NYAP2: variants seen among roughly 807,000 people sequenced by gnomAD.
The protein encoded by NYAP2 is neuronal tyrosine-phosphorylated phosphoinositide-3-kinase adaptor 2.
In NYAP2, 23 loss-of-function variants were observed where a neutral mutation model predicts 50.4. The observed-to-expected ratio is 0.46, with a 90% CI of 0.33 to 0.65. NYAP2 has a LOEUF of 0.65. Ranked by LOEUF, NYAP2 falls within the 30% of genes least tolerant of loss-of-function variation. The pLI, the probability that NYAP2 is intolerant of heterozygous loss-of-function variation, is 0.02. For missense variants in NYAP2, 885 were observed against 861.0 expected, an observed-to-expected ratio of 1.03 and a Z score of -0.35; for synonymous variants, 394 against 365.2, an observed-to-expected ratio of 1.08 and a Z score of -0.90.
chr2:225,486,980 G>A (rs1367120710), intron 3 of NYAP2, among the ~76,000 whole-genome samples: 1 of 152,202 alleles, frequency 6.6e-6, no homozygotes, highest in African/African-American at 2.4e-5. Context: ...CATATGAGTA[G>A]CACTTTTGAA....
chr2:225,603,541 A>G (rs1456748378), intron 5 of NYAP2, among the ~76,000 whole-genome samples: 1 of 152,112 alleles, frequency 6.6e-6, no homozygotes, highest in Non-Finnish European at 1.5e-5. Flanking sequence ...GGCTCACTGC[A>G]ATCTCCTCCT....
At chr2:225,409,879 A>G (rs1695005798) in intron 3 of NYAP2, among the ~76,000 whole-genome samples, 1 of 152,130 alleles carries the variant, frequency 6.6e-6, no homozygotes, top group Non-Finnish European at 1.5e-5. Context: ...CTTCAAATAA[A>G]GTTCACTTAC....
At chr2:225,464,535 T>G (rs1278976950) in intron 3 of NYAP2, among the ~76,000 whole-genome samples, 1 of 152,182 alleles carries the variant, frequency 6.6e-6, no homozygotes, top group African/African-American at 2.4e-5. Flanking sequence ...GGATGGTGAC[T>G]TCAGGTAACT....
intron 3 of NYAP2, among the ~76,000 whole-genome samples, chr2:225,507,072 C>T (rs1690720325): frequency 6.6e-6 from 1 of 152,156 alleles, no homozygotes; most frequent in Admixed American, 6.5e-5. Context: ...CTAGGCAACC[C>T]TTCAGTTTGT....
intron 4 of NYAP2, among the ~76,000 whole-genome samples, chr2:225,559,068 T>C (rs969648146): frequency 3.3e-5 from 5 of 152,070 alleles, no homozygotes; most frequent in African/African-American, 7.2e-5. Context: ...CTTTTTTCTC[T>C]CTCTTCCTCT....
intron 3 of NYAP2, among the ~76,000 whole-genome samples, chr2:225,499,055 C>G (rs924809901): frequency 2.0e-5 from 3 of 148,626 alleles, no homozygotes; most frequent in Non-Finnish European, 1.5e-5. Flanking sequence ...TCAAAGACAA[C>G]CACAGAAAAA....
At chr2:225,622,244 C>G (rs1693117494) in intron 5 of NYAP2, among the ~76,000 whole-genome samples, 1 of 152,126 alleles carries the variant, frequency 6.6e-6, no homozygotes, top group South Asian at 2.1e-4. Flanking sequence ...GTTGCCCAGA[C>G]TGATTTGGAA....
At chr2:225,502,147 T>G (rs1241304075) in intron 3 of NYAP2, among the ~76,000 whole-genome samples, 1 of 152,224 alleles carries the variant, frequency 6.6e-6, no homozygotes, top group Non-Finnish European at 1.5e-5. Context: ...AATCTGCATT[T>G]AGAAGGATAA....
chr2:225,441,056 T>C (rs888779834), intron 3 of NYAP2, among the ~76,000 whole-genome samples: 4 of 152,126 alleles, frequency 2.6e-5, no homozygotes, highest in African/African-American at 9.7e-5. Context: ...CTGATGCAAA[T>C]TGTGTCATGG....
chr2:225,506,674 C>G (rs1369260788), intron 3 of NYAP2, among the ~76,000 whole-genome samples: 2 of 152,170 alleles, frequency 1.3e-5, no homozygotes, highest in African/African-American at 4.8e-5. Flanking sequence ...CAAATATAAA[C>G]TTTTTAAATC....
At chr2:225,411,248 T>C (rs887934929) in intron 3 of NYAP2, among the ~76,000 whole-genome samples, 5 of 152,156 alleles carry the variant, frequency 3.3e-5, no homozygotes, top group Non-Finnish European at 5.9e-5. Context: ...TTCTGATTGA[T>C]GAGATGCAGT....
chr2:225,693,729 A>AT, the NYAP2 span, among the ~76,000 whole-genome samples: 1 of 151,942 alleles, frequency 6.6e-6, no homozygotes, highest in African/African-American at 2.4e-5. Flanking sequence ...GCACCTCCCA[A>AT]TCACCTTGAG....
intron 5 of NYAP2, among the ~76,000 whole-genome samples, chr2:225,604,705 T>A (rs1261846467): frequency 6.6e-6 from 1 of 152,130 alleles, no homozygotes; most frequent in Admixed American, 6.6e-5. Context: ...TCCTCCATAT[T>A]TATATGTATA....
At chr2:225,488,857 G>A (rs1025268811) in intron 3 of NYAP2, among the ~76,000 whole-genome samples, 1 of 152,154 alleles carries the variant, frequency 6.6e-6, no homozygotes, top group Non-Finnish European at 1.5e-5. Context: ...TACAATGGTT[G>A]GTGAGTTTGA....
chr2:225,509,399 A>C (rs986634532), intron 3 of NYAP2, among the ~76,000 whole-genome samples: 2 of 152,010 alleles, frequency 1.3e-5, no homozygotes, highest in Non-Finnish European at 2.9e-5. Flanking sequence ...TGGCAATGAC[A>C]CTTCTGTTTT....
intron 3 of NYAP2, among the ~76,000 whole-genome samples, chr2:225,464,012 A>AG (rs2106155414): frequency 6.6e-6 from 1 of 152,286 alleles, no homozygotes; most frequent in South Asian, 2.1e-4. Flanking sequence ...CTCAGATGGG[A>AG]GGGTTTGTGG....
intron 3 of NYAP2, among the ~76,000 whole-genome samples, chr2:225,460,852 G>A (rs1175870086): frequency 6.6e-6 from 1 of 151,942 alleles, no homozygotes; most frequent in African/African-American, 2.4e-5. Flanking sequence ...AATTAGCCGG[G>A]CATGGTGGCA....
chr2:225,541,011 T>G (rs1210262249), intron 4 of NYAP2, among the ~76,000 whole-genome samples: 1 of 152,166 alleles, frequency 6.6e-6, no homozygotes, highest in Non-Finnish European at 1.5e-5. Flanking sequence ...ATATTTATTG[T>G]AGTTTTGATT....
intron 4 of NYAP2, among the ~76,000 whole-genome samples, chr2:225,564,469 C>T (rs1691927972): frequency 6.6e-6 from 1 of 151,706 alleles, no homozygotes; most frequent in South Asian, 2.1e-4. Flanking sequence ...CTACTCTGTC[C>T]TAGACGAAAC....
Sources: allele counts gnomAD v4.1 joint callset (sites outside exome capture counted in the v4.1 genomes callset), GRCh38; gene constraint gnomAD v4.1.1; transcripts MANE v1.5; gene names NCBI Gene and HGNC (gene_info 2026-07-23, HGNC 2026-07-21).